ADGRE1: variants seen among roughly 807,000 people sequenced by gnomAD.
The protein encoded by ADGRE1 is adhesion G protein-coupled receptor E1.
ADGRE1 carries 82 observed loss-of-function variants against 102.7 expected under a neutral mutation model. The observed-to-expected ratio is 0.80, with a 90% CI of 0.67 to 0.96. The LOEUF (loss-of-function observed/expected upper bound fraction) is 0.96, where lower values mean the gene tolerates loss of function less well. Among genes scored for constraint, ADGRE1 ranks in the 40% least tolerant of loss-of-function variants. The pLI, the probability that ADGRE1 is intolerant of heterozygous loss-of-function variation, is 0.00. For missense variants in ADGRE1, 1,032 were observed against 1,085.3 expected, an observed-to-expected ratio of 0.95 and a Z score of 0.69; for synonymous variants, 398 against 399.6, an observed-to-expected ratio of 1.00 and a Z score of 0.05.
In ADGRE1 at chr19:6,913,416, A is replaced by G. The variant is rs1199033323; in HGVS notation, c.1123-237A>G. On this transcript the variant is annotated intron_variant, in intron 10 of 20. Coordinates refer to ENST00000312053, the MANE Select transcript of ADGRE1 (RefSeq NM_001974.5). ...AGGCTGGTCTCAAACTGCTGACCTC[A>G]TGATCCACCCACCTCAGCCTCCCAA... 1.3e-4 allele frequency among the ~76,000 whole-genome samples: 7 copies of G among 53,802 alleles called. No homozygotes were observed. In the East Asian group the frequency reaches 2.7e-3, roughly 21 times the overall value. The allele number at this position is 53,802 out of a possible 152,430, so 35.3% of individuals were successfully genotyped here.
intron 15 of ADGRE1, among the ~76,000 whole-genome samples, chr19:6,925,812 T>A (rs1974881566): frequency 6.6e-6 from 1 of 152,072 alleles, no homozygotes; most frequent in Non-Finnish European, 1.5e-5. Flanking sequence ...CCTCCCACGT[T>A]TGCCTCCCAA....
intron 5 of ADGRE1, among the ~76,000 whole-genome samples, chr19:6,899,490 C>A (rs1056218331): frequency 1.3e-5 from 2 of 151,716 alleles, no homozygotes; most frequent in Non-Finnish European, 2.9e-5. Flanking sequence ...ACTAGCCTGG[C>A]GAACATGGTG....
intron 5 of ADGRE1, chr19:6,898,625 A>G: frequency 6.9e-7 from 1 of 1,446,274 alleles, no homozygotes; most frequent in Non-Finnish European, 9.6e-7. Flanking sequence ...TGCCCTGAGC[A>G]TTCTGACTGT....
intron 17 of ADGRE1, among the ~76,000 whole-genome samples, chr19:6,928,888 G>A (rs939267968): frequency 2.7e-5 from 4 of 150,644 alleles, no homozygotes; most frequent in African/African-American, 9.7e-5. Flanking sequence ...GCGGTGAGCC[G>A]AGATTGCGCC....
chr19:6,906,129 G>T (rs1489646180), intron 8 of ADGRE1, among the ~76,000 whole-genome samples: 1 of 151,922 alleles, frequency 6.6e-6, no homozygotes, highest in African/African-American at 2.4e-5. Context: ...TGTAAGCTGT[G>T]CAGGGACATA....
intron 17 of ADGRE1, among the ~76,000 whole-genome samples, chr19:6,933,265 C>T (rs893446002): frequency 1.3e-5 from 2 of 152,162 alleles, no homozygotes; most frequent in Admixed American, 6.6e-5. Flanking sequence ...ATTCCCAAAT[C>T]TTCAAGGACA....
chr19:6,938,148 C>G (rs1975508260), intron 20 of ADGRE1, among the ~76,000 whole-genome samples: 1 of 151,948 alleles, frequency 6.6e-6, no homozygotes, highest in South Asian at 2.1e-4. Flanking sequence ...ACCAACCTGG[C>G]CAACATGGCA....
chr19:6,901,117 C>G (rs1973750571), intron 5 of ADGRE1, among the ~76,000 whole-genome samples: 1 of 152,212 alleles, frequency 6.6e-6, no homozygotes, highest in South Asian at 2.1e-4. Context: ...TATGCTCTTT[C>G]TTTTCAAGGG....
chr19:6,904,613 CT>C (rs1973888306), intron 8 of ADGRE1, among the ~76,000 whole-genome samples: 1 of 151,042 alleles, frequency 6.6e-6, no homozygotes, highest in Admixed American at 6.6e-5. Context: ...TCACGCCATT[CT>C]TCTGCCTCAG....
rs464849 is a variant in ADGRE1, at chr19:6,940,178, G to C, written c.*149G>C. The C allele has an allele frequency of 0.72, 634,744 of 881,600 alleles. 230,270 individuals carry two copies. Among genetic ancestry groups the C allele is most frequent in the Non-Finnish European group, 0.74 (415,955 of 561,512 alleles). The allele number at this position is 881,600 out of a possible 1,614,324, so 54.6% of individuals were successfully genotyped here. On this transcript the variant is annotated 3_prime_UTR_variant, in exon 21 of 21. Transcript: ENST00000312053. ...CCCTCTGGGGAAGAATGTTGGGGGC[G>C]GTCTTCCTGTGGTTGTATGCACTGA...
chr19:6,891,606 A>C (rs1221139933), intron 2 of ADGRE1, among the ~76,000 whole-genome samples: 1 of 151,938 alleles, frequency 6.6e-6, no homozygotes, highest in African/African-American at 2.4e-5. Context: ...GGCGCCCGCC[A>C]CCACGCCTGG....
chr19:6,907,233 T>C (rs1446145219), intron 9 of ADGRE1, among the ~76,000 whole-genome samples: 1 of 152,144 alleles, frequency 6.6e-6, no homozygotes, highest in Non-Finnish European at 1.5e-5. Context: ...TGTGGTGAGG[T>C]ACACATAACA....
intron 17 of ADGRE1, among the ~76,000 whole-genome samples, chr19:6,930,877 G>A (rs1262161105): frequency 1.3e-5 from 2 of 151,988 alleles, no homozygotes; most frequent in Admixed American, 1.3e-4. Context: ...GACCTCAGGT[G>A]ACCCACCCGC....
intron 16 of ADGRE1, 80 bp downstream of exon 16, chr19:6,926,681 A>G: frequency 7.0e-7 from 1 of 1,424,580 alleles, no homozygotes; most frequent in Non-Finnish European, 9.9e-7. Flanking sequence ...AAGAAGAGTA[A>G]CAACAGTAGC....
At chr19:6,927,296 C>T (rs1203679639) in intron 16 of ADGRE1, among the ~76,000 whole-genome samples, 1 of 142,156 alleles carries the variant, frequency 7.0e-6, no homozygotes, top group African/African-American at 2.7e-5. Flanking sequence ...TCCCTCCCTC[C>T]CTCTCTTCCT....
At chr19:6,933,029 C>T (rs536554663) in intron 17 of ADGRE1, among the ~76,000 whole-genome samples, 4 of 152,154 alleles carry the variant, frequency 2.6e-5, no homozygotes, top group Admixed American at 6.5e-5. Context: ...GAGACCAGCC[C>T]GGCCAACATG....
intron 2 of ADGRE1, among the ~76,000 whole-genome samples, chr19:6,894,830 TA>T (rs1175508179): frequency 1.3e-5 from 2 of 152,020 alleles, no homozygotes; most frequent in Non-Finnish European, 2.9e-5. Flanking sequence ...GTTAAATGGG[TA>T]ATTGTCAAAT....
intron 2 of ADGRE1, among the ~76,000 whole-genome samples, chr19:6,894,146 C>A (rs779998430): frequency 2.6e-5 from 4 of 152,164 alleles, no homozygotes; most frequent in Non-Finnish European, 2.9e-5. Context: ...CCATCTGCAA[C>A]CTTAATTCCT....
At position 6,887,602 on chromosome 19, in the gene ADGRE1, C is replaced by A; in HGVS notation, c.-7C>A. ...TTCTTTTCTTTGAATGACAGAACTACAGCATAATGCGTGGCTTCAACCTGC... is the reference window on the plus strand; with the variant it reads ...TTCTTTTCTTTGAATGACAGAACTAAAGCATAATGCGTGGCTTCAACCTGC... On this transcript the variant is annotated 5_prime_UTR_variant, in exon 1 of 21. Coordinates refer to ENST00000312053, the MANE Select transcript of ADGRE1 (RefSeq NM_001974.5). 1 of 1,612,746 alleles carries A rather than the reference C, an allele frequency of 6.2e-7. No individual in the cohort carries two copies. Among genetic ancestry groups the A allele is most frequent in the Non-Finnish European group, 8.5e-7 (1 of 1,179,460 alleles).
Sources: gnomAD v4.1 joint callset for allele counts (sites outside exome capture counted in the v4.1 genomes callset) on GRCh38, gnomAD v4.1.1 for gene constraint, MANE v1.5 for transcripts, NCBI Gene and HGNC (gene_info 2026-07-23, HGNC 2026-07-21) for gene names.